Variants in SLC11A2 observed in about 807,000 individuals in gnomAD.
The protein encoded by SLC11A2 is natural resistance-associated macrophage protein 2.
SLC11A2 carries 38 observed loss-of-function variants against 68.0 expected under a neutral mutation model. The ratio of observed to expected loss-of-function variants is 0.56; its 90% CI spans 0.43 to 0.73. SLC11A2 has a LOEUF of 0.73. Among genes scored for constraint, SLC11A2 ranks in the 30% least tolerant of loss-of-function variants. The pLI is 0.00. For missense variants in SLC11A2, 517 were observed against 690.5 expected (o/e 0.75, Z 2.82); for synonymous variants, 242 against 250.6 (o/e 0.97, Z 0.32).
downstream of SLC11A2, among the ~76,000 whole-genome samples, chr12:50,979,161 G>A (rs952191757): frequency 1.3e-5 from 2 of 152,154 alleles, no homozygotes; most frequent in Admixed American, 1.3e-4. Flanking sequence ...ACAAATTGGA[G>A]AGTGATTAAA....
intron 1 of SLC11A2, among the ~76,000 whole-genome samples, 184 bp from the exon 2 acceptor site, chr12:51,010,950 A>G (rs989198009): frequency 2.0e-5 from 3 of 152,232 alleles, no homozygotes; most frequent in African/African-American, 7.2e-5. Flanking sequence ...TAACAAAAAA[A>G]GAAAAGTCTT....
downstream of SLC11A2, chr12:50,981,487 G>A: frequency 4.7e-6 from 2 of 427,414 alleles, no homozygotes; most frequent in Non-Finnish European, 8.6e-6. Context: ...ATAGGGGTGT[G>A]TGGCCATCAG....
chr12:51,004,947 C>T (rs1231083924), intron 4 of SLC11A2, 40 bp from the exon 5 acceptor site: 1 of 1,610,922 alleles, frequency 6.2e-7, no homozygotes, highest in Non-Finnish European at 8.5e-7. Flanking sequence ...CATTGAACAA[C>T]TGAGTTTTTG....
chr12:50,981,479 A>C, downstream of SLC11A2: 1 of 399,736 alleles, frequency 2.5e-6, no homozygotes. Context: ...ACAAGCCCAT[A>C]GGGGTGTGTG....
At chr12:50,973,586 C>G in the SLC11A2 span, among the ~76,000 whole-genome samples, 2 of 152,182 alleles carry the variant, frequency 1.3e-5, no homozygotes, top group African/African-American at 4.8e-5. Flanking sequence ...GAGCATCTCT[C>G]CTCCTCCAAA....
At chr12:51,028,217 C>G (rs1279109162), upstream of SLC11A2, 2 of 1,535,474 alleles carry the variant, frequency 1.3e-6, no homozygotes, top group African/African-American at 2.7e-5. Context: ...TCAGCTGCTT[C>G]TTCCTCATGG....
At chr12:50,976,210 T>C (rs958803152), downstream of SLC11A2, among the ~76,000 whole-genome samples, 2 of 152,194 alleles carry the variant, frequency 1.3e-5, no homozygotes, top group African/African-American at 2.4e-5. Context: ...TTTAGACCAA[T>C]ATCCCTGATG....
Position 51,004,912 on chromosome 12 carries a change from G to C in SLC11A2, c.310-5C>G. 6.2e-7 allele frequency: 1 copy of C among 1,613,988 alleles called. No homozygotes were observed. Among genetic ancestry groups the C allele is most frequent in the Non-Finnish European group, 8.5e-7 (1 of 1,179,940 alleles). On this transcript the variant is annotated splice_region_variant and splice_polypyrimidine_tract_variant and intron_variant, in intron 4 of 15. Transcript: ENST00000262052. ...CAACAGAAGGATCCAGAGCAACTAA[G>C]AAGAACAAAATCTCCTGTAACACTC...
chr12:51,006,317 CA>C (rs1942730972), intron 3 of SLC11A2: 1 of 162,666 alleles, frequency 6.1e-6, no homozygotes, highest in Non-Finnish European at 1.3e-5. Flanking sequence ...AACAAACAAA[CA>C]AACAAACAAA....
downstream of SLC11A2, among the ~76,000 whole-genome samples, chr12:50,985,624 G>A (rs1245190911): frequency 6.6e-6 from 1 of 152,136 alleles, no homozygotes; most frequent in African/African-American, 2.4e-5. Flanking sequence ...TTCATTGGCA[G>A]CACATATAGA....
chr12:50,989,797 T>G (rs1342075423), intron 15 of SLC11A2, among the ~76,000 whole-genome samples: 1 of 152,216 alleles, frequency 6.6e-6, no homozygotes, highest in Non-Finnish European at 1.5e-5. Context: ...GTATCTAATG[T>G]GTGGCACACT....
the SLC11A2 span, among the ~76,000 whole-genome samples, chr12:50,966,091 AG>A: frequency 6.6e-6 from 1 of 152,162 alleles, no homozygotes; most frequent in Non-Finnish European, 1.5e-5. Context: ...ATGACCACTT[AG>A]GCTTTGCTGC....
At chr12:50,991,067 GA>G in intron 14 of SLC11A2, 119 bp from the exon 15 acceptor site, 31 of 896,932 alleles carry the variant, frequency 3.5e-5, no homozygotes, top group Non-Finnish European at 5.2e-5. Flanking sequence ...TTCTTAATTT[GA>G]AAAAAAATGA....
chr12:50,986,839 C>A lies in SLC11A2; in HGVS notation c.*1486G>T, dbSNP rs116731209. The A allele has an allele frequency of 1.0e-3, 1,312 of 1,287,172 alleles. 12 individuals carry two copies. In the African/African-American group the frequency reaches 0.018, roughly 18 times the overall value. 79.7% of individuals were successfully genotyped at this position (1,287,172 alleles called of 1,614,324 possible). A position where few individuals can be genotyped will look rare whatever the true frequency, so the allele number is the denominator to read the frequency against. ...CCTTATAAAAGACCATCCATCCAGTCTGCGCTTTTGACTGTGTGCAAGTAT... is the reference window on the plus strand; with the variant it reads ...CCTTATAAAAGACCATCCATCCAGTATGCGCTTTTGACTGTGTGCAAGTAT... On this transcript the variant is annotated 3_prime_UTR_variant, in exon 16 of 16. Transcript: ENST00000262052.
At chr12:51,000,552 C>T in intron 5 of SLC11A2, 133 bp from the exon 6 acceptor site, 1 of 714,916 alleles carries the variant, frequency 1.4e-6, no homozygotes, top group Non-Finnish European at 2.5e-6. Context: ...AGAAGAAATA[C>T]CAGAACGTGC....
chr12:50,963,302 G>A, the SLC11A2 span, among the ~76,000 whole-genome samples: 19 of 147,816 alleles, frequency 1.3e-4, no homozygotes, highest in African/African-American at 2.2e-4. Context: ...CCTGGGAAGC[G>A]GAGGCTGCAG....
the SLC11A2 span, among the ~76,000 whole-genome samples, chr12:50,970,724 A>G: frequency 2.3e-4 from 35 of 152,284 alleles, no homozygotes; most frequent in African/African-American, 7.7e-4. Context: ...TTCAGAACCT[A>G]GGGCATGATT....
In SLC11A2 at chr12:50,999,170, T is replaced by C. The variant is rs1276611866; in HGVS notation, c.675+4A>G. The C allele has an allele frequency of 1.2e-6, 2 of 1,606,000 alleles. No homozygotes were observed. Among genetic ancestry groups the C allele is most frequent in the Non-Finnish European group, 1.7e-6 (2 of 1,172,880 alleles). ...GAAGCTAATGAATATCCTGTACCAC[T>C]TGCCTCATATCCAAATGTGAGGGCC... On this transcript the variant is annotated splice_donor_region_variant and intron_variant, in intron 8 of 15. Transcript: ENST00000262052.
upstream of SLC11A2, chr12:51,028,044 G>T: frequency 2.0e-6 from 1 of 497,886 alleles, no homozygotes; most frequent in Non-Finnish European, 3.5e-6. Flanking sequence ...TTTCAGAAAG[G>T]TTTGATGAAG....
Sources: allele counts gnomAD v4.1 joint callset (sites outside exome capture counted in the v4.1 genomes callset), GRCh38; gene constraint gnomAD v4.1.1; transcripts MANE v1.5; gene names NCBI Gene and HGNC (gene_info 2026-07-23, HGNC 2026-07-21).